The following TEKT5 variants were observed in gnomAD, a reference collection of about 807,000 sequenced individuals.
The protein encoded by TEKT5 is tektin 5.
In TEKT5, 52 loss-of-function variants were observed where a neutral mutation model predicts 48.7. That is an observed-to-expected ratio of 1.07 (90% CI 0.86 to 1.35). The LOEUF (loss-of-function observed/expected upper bound fraction) is 1.35. Among genes scored for constraint, TEKT5 ranks in the 40% most tolerant of loss-of-function variants. The pLI, the probability that TEKT5 is intolerant of heterozygous loss-of-function variation, is 0.00. For missense variants in TEKT5, 831 were observed against 641.6 expected (o/e 1.30, Z -3.19); for synonymous variants, 318 against 267.6 (o/e 1.19, Z -1.84).
At chr16:10,668,192 T>G (rs954883154) in intron 5 of TEKT5, among the ~76,000 whole-genome samples, 1 of 152,046 alleles carries the variant, frequency 6.6e-6, no homozygotes, top group African/African-American at 2.4e-5. Context: ...AAAAAGAAGT[T>G]AATAATTATA....
In TEKT5 at chr16:10,627,866, A is replaced by G. The variant is rs1004172411; in HGVS notation, c.1242-67T>C. ...TTTTTATTTGTTTATTTTTTGAGAC[A>G]GAGTCTCACTCTGTCACCCAGGCTG... On this transcript the variant is annotated intron_variant, in intron 6 of 6. Transcript: ENST00000283025. 15 of 1,443,416 alleles carry G rather than the reference A, an allele frequency of 1.0e-5. No homozygotes were observed. In the African/African-American group the frequency reaches 1.8e-4, roughly 17 times the overall value. 89.4% of individuals were successfully genotyped at this position (1,443,416 alleles called of 1,614,324 possible).
intron 1 of TEKT5, among the ~76,000 whole-genome samples, chr16:10,692,229 G>A (rs1240647000): frequency 2.6e-5 from 4 of 152,116 alleles, no homozygotes; most frequent in Admixed American, 2.6e-4. Context: ...GGGAGGGAGA[G>A]CAGTAGGTCT....
At chr16:10,647,633 CTCTT>C (rs143054702) in intron 5 of TEKT5, among the ~76,000 whole-genome samples, 3,890 of 131,156 alleles carry the variant, frequency 0.03, 177 homozygotes, top group African/African-American at 0.11. Context: ...CCCACCTTGT[CTCTT>C]TCTTTGTTCA....
chr16:10,630,072 T>C (rs779003219), intron 6 of TEKT5, among the ~76,000 whole-genome samples: 6 of 151,406 alleles, frequency 4.0e-5, no homozygotes, highest in Non-Finnish European at 5.9e-5. Context: ...AGTACCTGGG[T>C]CTACAGGCGT....
intron 5 of TEKT5, among the ~76,000 whole-genome samples, chr16:10,653,790 G>C (rs1005407093): frequency 6.6e-6 from 1 of 152,152 alleles, no homozygotes; most frequent in East Asian, 1.9e-4. Flanking sequence ...GCAGGAGCCT[G>C]TAATCTCAGC....
At chr16:10,635,418 C>G (rs79024531) in intron 6 of TEKT5, among the ~76,000 whole-genome samples, 123 of 152,138 alleles carry the variant, frequency 8.1e-4, no homozygotes, top group Middle Eastern at 3.4e-3. Context: ...GAAGGTAAAG[C>G]CACCACCTGG....
At position 10,652,931 on chromosome 16, in the gene TEKT5, C is replaced by A. The variant is rs372533382; in HGVS notation, c.1087-17013G>T. Among the ~76,000 whole-genome samples, 5 of 141,190 alleles carry A rather than the reference C, an allele frequency of 3.5e-5. No individual in the cohort carries two copies. The South Asian group carries it at 1.2e-3, about 33-fold the overall frequency. 92.6% of individuals were successfully genotyped at this position (141,190 alleles called of 152,430 possible). A position where few individuals can be genotyped will look rare whatever the true frequency, so the allele number is the denominator to read the frequency against. On this transcript the variant is annotated intron_variant, in intron 5 of 6. Transcript: ENST00000283025. ...AGGCAGAGACACACACACACACCCTCCCTCTCCAGGTCAGGTAGAACAATC... is the reference window on the plus strand; with the variant it reads ...AGGCAGAGACACACACACACACCCTACCTCTCCAGGTCAGGTAGAACAATC...
intron 4 of TEKT5, among the ~76,000 whole-genome samples, chr16:10,678,344 A>C (rs1344951655): frequency 6.6e-6 from 1 of 151,908 alleles, no homozygotes; most frequent in Non-Finnish European, 1.5e-5. Flanking sequence ...TGATTCGCCC[A>C]CCTCAGCCTC....
At chr16:10,664,626 CA>C in intron 5 of TEKT5, among the ~76,000 whole-genome samples, 1 of 152,356 alleles carries the variant, frequency 6.6e-6, no homozygotes, top group East Asian at 1.9e-4. Context: ...GGCATCTGGG[CA>C]ATTCCAATGT....
chr16:10,648,474 A>C (rs756423423), intron 5 of TEKT5, among the ~76,000 whole-genome samples: 67 of 152,194 alleles, frequency 4.4e-4, no homozygotes, highest in Admixed American at 1.3e-3. Context: ...GTGCTACCAC[A>C]TCTGGCTGAT....
chr16:10,663,363 C>T (rs1463846686), intron 5 of TEKT5, among the ~76,000 whole-genome samples: 1 of 152,158 alleles, frequency 6.6e-6, no homozygotes, highest in Non-Finnish European at 1.5e-5. Flanking sequence ...GTAGTTCCAG[C>T]CAGCTTTAGG....
At chr16:10,644,763 A>C (rs1462128632) in intron 5 of TEKT5, among the ~76,000 whole-genome samples, 2 of 152,232 alleles carry the variant, frequency 1.3e-5, no homozygotes, top group African/African-American at 4.8e-5. Flanking sequence ...GTTAAACTAT[A>C]GGACTCCCAG....
chr16:10,644,613 G>GT (rs1898043159), intron 5 of TEKT5, among the ~76,000 whole-genome samples: 1 of 152,128 alleles, frequency 6.6e-6, no homozygotes, highest in Non-Finnish European at 1.5e-5. Flanking sequence ...GCATGAATCA[G>GT]TTTGTCTCCA....
intron 4 of TEKT5, among the ~76,000 whole-genome samples, chr16:10,680,327 C>G (rs889824140): frequency 6.6e-6 from 1 of 152,216 alleles, no homozygotes; most frequent in Non-Finnish European, 1.5e-5. Context: ...CAAGGAACAC[C>G]TTCCTTCTCG....
At position 10,635,879 on chromosome 16, in the gene TEKT5, G is replaced by C; in HGVS notation, c.1126C>G (p.Leu376Val). ...TTGGCCATGATGGACCTTTCCAGCAGCATGATGGTGTTCTCGGCCTGGAAG... is the reference window on the plus strand; with the variant it reads ...TTGGCCATGATGGACCTTTCCAGCACCATGATGGTGTTCTCGGCCTGGAAG... ...EIFQAENTIM[L>V]LERSIMAKEG... Residue 376 changes from leucine (L) to valine (V), a missense_variant, in exon 6 of 7, where the codon CTG (leucine) becomes GTG (valine). By Grantham distance (32) the Leu-to-Val change is conservative. Coordinates refer to ENST00000283025, the MANE Select transcript of TEKT5 (RefSeq NM_144674.2). 6.2e-7 allele frequency: 1 copy of C among 1,614,110 alleles called. No homozygotes were observed. The highest frequency in any genetic ancestry group is 8.5e-7 in the Non-Finnish European group (1 of 1,180,046).
intron 5 of TEKT5, among the ~76,000 whole-genome samples, chr16:10,674,308 C>T (rs939808993): frequency 2.6e-5 from 4 of 151,994 alleles, no homozygotes; most frequent in Non-Finnish European, 5.9e-5. Flanking sequence ...TTGCTCCCTC[C>T]CTATAAAAAT....
At chr16:10,632,404 C>A (rs575341950) in intron 6 of TEKT5, among the ~76,000 whole-genome samples, 3 of 152,042 alleles carry the variant, frequency 2.0e-5, no homozygotes, top group Non-Finnish European at 4.4e-5. Context: ...CTTAAGCAAT[C>A]TTCCTGCTTT....
Position 10,676,176 on chromosome 16 carries a change from G to C in TEKT5, c.869C>G (p.Ser290Cys). The C allele has an allele frequency of 6.2e-7, 1 of 1,614,192 alleles. No individual in the cohort carries two copies. Among genetic ancestry groups the C allele is most frequent in the Admixed American group, 1.7e-5 (1 of 60,030 alleles). The stretch of plus-strand genomic sequence containing the variant: ...GAACTTGGCCCAGGTCTCAGGTACG[G>C]AGATCCTGCAAAGGCACAAGGGTGA... ...HGMEKIDGTISVPETWAKFSN... is the reference protein window; with the variant it reads ...HGMEKIDGTICVPETWAKFSN... The change falls in exon 5 of 7, where the codon TCC becomes TGC. Residue 290 changes from serine to cysteine, a missense_variant. By Grantham distance (112) the Ser-to-Cys change is moderately radical. Coordinates refer to ENST00000283025, the MANE Select transcript of TEKT5 (RefSeq NM_144674.2).
At chr16:10,640,286 G>A (rs748527846) in intron 5 of TEKT5, among the ~76,000 whole-genome samples, 2 of 151,952 alleles carry the variant, frequency 1.3e-5, no homozygotes, top group African/African-American at 2.4e-5. Flanking sequence ...GGGACTACAG[G>A]TGCCTGCCAC....
Sources: gnomAD v4.1 joint callset for allele counts (sites outside exome capture counted in the v4.1 genomes callset) on GRCh38, gnomAD v4.1.1 for gene constraint, MANE v1.5 for transcripts, NCBI Gene and HGNC (gene_info 2026-07-23, HGNC 2026-07-21) for gene names.